The following CALCRL variants were observed in gnomAD, a reference collection of about 807,000 sequenced individuals.
CALCRL encodes the protein calcitonin receptor like receptor.
A neutral mutation model predicts 60.4 loss-of-function variants in CALCRL; 27 were observed. The observed-to-expected ratio is 0.45, with a 90% CI of 0.33 to 0.62. The LOEUF is 0.62. Ranked by LOEUF, CALCRL falls within the 20% of genes least tolerant of loss-of-function variation. The pLI is 0.03. For synonymous variants in CALCRL, 190 were observed against 182.6 expected, an observed-to-expected ratio of 1.04 and a Z score of -0.33; for missense variants, 424 against 540.7, an observed-to-expected ratio of 0.78 and a Z score of 2.14.
intron 8 of CALCRL, among the ~76,000 whole-genome samples, chr2:187,374,404 G>C (rs1687657211): frequency 6.6e-6 from 1 of 152,028 alleles, no homozygotes; most frequent in African/African-American, 2.4e-5. Flanking sequence ...CTAGAACACA[G>C]ATCAGGAGAA....
chr2:187,379,861 A>G (rs1280346559), intron 7 of CALCRL, among the ~76,000 whole-genome samples: 4 of 152,218 alleles, frequency 2.6e-5, no homozygotes, highest in Admixed American at 2.6e-4. Context: ...AGAAGTAGAA[A>G]TAAGAAATCA....
chr2:187,346,259 A>G lies in CALCRL; in HGVS notation c.1311T>C (p.Pro437=), dbSNP rs1686264126. The part of the protein sequence containing the change: ...SDGPGYSHDC[P]SEHLNGKSIH... ...TGCTTTTTCCATTTAAGTGTTCACT[A>G]GGACAGTCATGACTATAACCTGGAC... Residue 437 remains proline, a synonymous_variant, in exon 15 of 15, where the codon CCT becomes CCC. Coordinates refer to ENST00000392370, the MANE Select transcript of CALCRL (RefSeq NM_005795.6). 1.2e-6 allele frequency: 2 copies of G among 1,612,168 alleles called. No homozygotes were observed. The highest frequency in any genetic ancestry group is 2.7e-5 in the African/African-American group (2 of 74,792).
At chr2:187,395,649 C>T (rs1346027019) in intron 1 of CALCRL, among the ~76,000 whole-genome samples, 1 of 151,990 alleles carries the variant, frequency 6.6e-6, no homozygotes, top group Non-Finnish European at 1.5e-5. Flanking sequence ...AAGATTTCTG[C>T]CCTCAATAAA....
chr2:187,405,960 G>GGTGTGTGT (rs3079520), intron 1 of CALCRL, among the ~76,000 whole-genome samples: 2,085 of 146,692 alleles, frequency 0.014, 15 homozygotes, highest in Non-Finnish European at 0.02. Context: ...TGTATGTAGG[G>GGTGTGTGT]GTGTGTGTGT....
chr2:187,383,571 G>C (rs1688074504), intron 4 of CALCRL, among the ~76,000 whole-genome samples: 2 of 152,148 alleles, frequency 1.3e-5, no homozygotes. Context: ...GCCTGTGGTA[G>C]CCAGCTCCAG....
chr2:187,342,582 A>G lies in CALCRL; in HGVS notation c.*3602T>C, dbSNP rs954689212. Among the ~76,000 whole-genome samples, 2 of 151,574 alleles carry G rather than the reference A, an allele frequency of 1.3e-5. No individual in the cohort carries two copies. The highest frequency in any genetic ancestry group is 2.4e-5 in the African/African-American group (1 of 41,384). The stretch of plus-strand genomic sequence containing the variant: ...AGAATATTCTTTCTTTGAGATTAGT[A>G]TAATCACAAGGAGGAGAGATTATAA... On this transcript the variant is annotated 3_prime_UTR_variant, in exon 15 of 15. Coordinates refer to ENST00000392370, the MANE Select transcript of CALCRL (RefSeq NM_005795.6).
At chr2:187,439,784 C>A (rs1690809813) in intron 1 of CALCRL, among the ~76,000 whole-genome samples, 1 of 152,064 alleles carries the variant, frequency 6.6e-6, no homozygotes, top group African/African-American at 2.4e-5. Context: ...CTTAATTCTC[C>A]TTTAGAAAAT....
intron 1 of CALCRL, among the ~76,000 whole-genome samples, chr2:187,425,970 T>C (rs1690099012): frequency 6.6e-6 from 1 of 151,944 alleles, no homozygotes; most frequent in Non-Finnish European, 1.5e-5. Flanking sequence ...CGGTTGGAAA[T>C]GGTACTTCAT....
intron 12 of CALCRL, among the ~76,000 whole-genome samples, chr2:187,355,735 G>A (rs368614038): frequency 2.1e-4 from 32 of 152,134 alleles, no homozygotes; most frequent in Middle Eastern, 6.8e-3. Flanking sequence ...TGACATAACT[G>A]TATATTTAGA....
Position 187,344,349 on chromosome 2 carries a change from G to T in CALCRL, c.*1835C>A, listed in dbSNP as rs1303691676. The T allele has an allele frequency of 6.6e-6, 1 of 151,528 alleles. No individual in the cohort carries two copies. Among genetic ancestry groups the T allele is most frequent in the Non-Finnish European group, 1.5e-5 (1 of 67,640 alleles). 9.4% of individuals were successfully genotyped at this position (151,528 alleles called of 1,614,324 possible). A position where few individuals can be genotyped will look rare whatever the true frequency, so the allele number is the denominator to read the frequency against. On this transcript the variant is annotated 3_prime_UTR_variant, in exon 15 of 15. Transcript: ENST00000392370. ...AATTTGTCTTAGCAATTTGAAATAAGTTCTGAACTCACCATCTATTGACAT... is the reference window on the plus strand; with the variant it reads ...AATTTGTCTTAGCAATTTGAAATAATTTCTGAACTCACCATCTATTGACAT...
intron 1 of CALCRL, among the ~76,000 whole-genome samples, chr2:187,400,726 A>T (rs1688852761): frequency 6.6e-6 from 1 of 151,500 alleles, no homozygotes; most frequent in Non-Finnish European, 1.5e-5. Flanking sequence ...AATGCATGCT[A>T]CCTACAGCAT....
chr2:187,401,105 A>C (rs1160974297), intron 1 of CALCRL, among the ~76,000 whole-genome samples: 1 of 151,608 alleles, frequency 6.6e-6, no homozygotes, highest in Non-Finnish European at 1.5e-5. Flanking sequence ...CTATTGCCCA[A>C]GTAGGGAACA....
At chr2:187,369,404 C>T (rs931954664) in intron 8 of CALCRL, among the ~76,000 whole-genome samples, 1 of 152,126 alleles carries the variant, frequency 6.6e-6, no homozygotes, top group Non-Finnish European at 1.5e-5. Flanking sequence ...AGACTATCCC[C>T]AGCATAGAGA....
At chr2:187,371,506 A>G (rs958414257) in intron 8 of CALCRL, among the ~76,000 whole-genome samples, 4 of 152,132 alleles carry the variant, frequency 2.6e-5, no homozygotes, top group African/African-American at 9.7e-5. Flanking sequence ...GAAAAGCGAA[A>G]GTTCCAATTT....
chr2:187,393,302 A>C (rs574197202), intron 1 of CALCRL, among the ~76,000 whole-genome samples: 12 of 152,112 alleles, frequency 7.9e-5, no homozygotes, highest in Admixed American at 2.6e-4. Context: ...GGCCTGTTAT[A>C]CTTGGGGAAG....
chr2:187,398,349 A>C (rs562539583), intron 1 of CALCRL, among the ~76,000 whole-genome samples: 18 of 151,736 alleles, frequency 1.2e-4, no homozygotes, highest in African/African-American at 4.3e-4. Context: ...AAAATATATA[A>C]TTCTGATATA....
At chr2:187,382,091 A>C (rs1688007646) in intron 5 of CALCRL, among the ~76,000 whole-genome samples, 1 of 152,188 alleles carries the variant, frequency 6.6e-6, no homozygotes, top group African/African-American at 2.4e-5. Flanking sequence ...TCCATATCAC[A>C]GCTCCAAAAG....
At chr2:187,389,913 C>T (rs1688364061) in intron 1 of CALCRL, among the ~76,000 whole-genome samples, 1 of 152,026 alleles carries the variant, frequency 6.6e-6, no homozygotes, top group Admixed American at 6.6e-5. Flanking sequence ...TCTTTGCATC[C>T]TTTGTGACTG....
At chr2:187,426,242 ATT>A (rs35722786) in intron 1 of CALCRL, among the ~76,000 whole-genome samples, 2 of 146,856 alleles carry the variant, frequency 1.4e-5, no homozygotes. Context: ...GTCATTTATT[ATT>A]TTTTTTTTTT....
Sources: gnomAD v4.1 joint callset for allele counts (sites outside exome capture counted in the v4.1 genomes callset) on GRCh38, gnomAD v4.1.1 for gene constraint, MANE v1.5 for transcripts, NCBI Gene and HGNC (gene_info 2026-07-23, HGNC 2026-07-21) for gene names.